CAMTA1: variants seen among roughly 807,000 people sequenced by gnomAD.
The protein encoded by CAMTA1 is calmodulin binding transcription activator 1.
CAMTA1 carries 27 observed loss-of-function variants against 170.9 expected under a neutral mutation model. The observed-to-expected ratio is 0.16, with a 90% confidence interval of 0.12 to 0.22. The LOEUF is 0.22. Ranked by LOEUF, CAMTA1 falls within the 10% of genes least tolerant of loss-of-function variation. The pLI, the probability that CAMTA1 is intolerant of heterozygous loss-of-function variation, is 1.00. For synonymous variants in CAMTA1, 833 were observed against 891.5 expected (o/e 0.93, Z 1.17); for missense variants, 1,619 against 2,217.2 (o/e 0.73, Z 5.42).
At chr1:7,464,778 C>T (rs1276341446) in intron 5 of CAMTA1, among the ~76,000 whole-genome samples, 1 of 152,106 alleles carries the variant, frequency 6.6e-6, no homozygotes, top group Non-Finnish European at 1.5e-5. Flanking sequence ...CCGAGGGTTC[C>T]ATTGCTGCAT....
At chr1:7,692,768 G>A (rs3011928) in intron 11 of CAMTA1, among the ~76,000 whole-genome samples, 74,117 of 151,924 alleles carry the variant, frequency 0.49, 18,267 homozygotes, top group East Asian at 0.66. Flanking sequence ...AAGAAACAGC[G>A]TTGATAGGTG....
At chr1:7,351,436 C>T (rs892703010) in intron 5 of CAMTA1, among the ~76,000 whole-genome samples, 7 of 152,242 alleles carry the variant, frequency 4.6e-5, no homozygotes, top group Non-Finnish European at 1.0e-4. Flanking sequence ...GTACCTCCCA[C>T]GACTCAGTGG....
At chr1:7,737,922 C>G in intron 15 of CAMTA1, 37 bp from the exon 16 acceptor site, 2 of 1,550,586 alleles carry the variant, frequency 1.3e-6, no homozygotes, top group South Asian at 1.2e-5. Context: ...CTAGTTGTAT[C>G]TCCTGTCCTG....
rs143162285 is a variant in CAMTA1, at chr1:6,843,541, A to G, written c.234+18331A>G. Among the ~76,000 whole-genome samples, 31 of 152,338 alleles carry G rather than the reference A, an allele frequency of 2.0e-4. No homozygotes were observed. The East Asian group carries it at 5.6e-3, about 27-fold the overall frequency. On this transcript the variant is annotated intron_variant, in intron 3 of 22. Coordinates refer to ENST00000303635, the MANE Select transcript of CAMTA1 (RefSeq NM_015215.4). ...CTCTTATAATTTTTTCCTTGAGGAT[A>G]GTTTTATTAGTATGAGAGTAACTTA...
intron 11 of CAMTA1, among the ~76,000 whole-genome samples, chr1:7,684,995 C>T (rs1041868095): frequency 6.6e-6 from 1 of 152,078 alleles, no homozygotes. Context: ...CCGGGGACTC[C>T]GCGGTGTCGG....
At chr1:7,235,718 G>C (rs948298774) in intron 4 of CAMTA1, among the ~76,000 whole-genome samples, 3 of 152,204 alleles carry the variant, frequency 2.0e-5, no homozygotes, top group Non-Finnish European at 4.4e-5. Flanking sequence ...CATTGAACAC[G>C]GCAAAAGCAG....
chr1:7,543,627 C>G (rs567084963), intron 6 of CAMTA1, among the ~76,000 whole-genome samples: 1 of 152,324 alleles, frequency 6.6e-6, no homozygotes, highest in South Asian at 2.1e-4. Context: ...TGTTCTCAAA[C>G]AGTTGTTGGC....
Position 7,736,377 on chromosome 1 carries a change from T to C in CAMTA1, c.3100T>C (p.Phe1034Leu), listed in dbSNP as rs2096772659. ...ASGTGALGSCFESRVVVVCEK... is the reference protein window; with the variant it reads ...ASGTGALGSCLESRVVVVCEK... ...TGGGACTGGGGCCTTGGGGAGCTGC[T>C]TTGAGAGCCGTGTGGTCGTGGTATG... Residue 1034 changes from phenylalanine (F) to leucine (L), a missense_variant, in exon 13 of 23, where the codon TTT (phenylalanine) becomes CTT (leucine). Coordinates refer to ENST00000303635, the MANE Select transcript of CAMTA1 (RefSeq NM_015215.4). This position sits in a 1 kb window ranked among gnomAD's most constrained non-coding sequence, Gnocchi z 4.5. The C allele has an allele frequency of 6.2e-7, 1 of 1,614,040 alleles. No individual in the cohort carries two copies. The highest frequency in any genetic ancestry group is 1.7e-5 in the Admixed American group (1 of 60,004).
chr1:7,026,766 G>T (rs1702080132), intron 3 of CAMTA1, among the ~76,000 whole-genome samples: 1 of 151,728 alleles, frequency 6.6e-6, no homozygotes, highest in Admixed American at 6.6e-5. Context: ...AAGTAGCTGG[G>T]ACTACAAGCA....
chr1:7,172,055 T>C (rs1413180419), intron 4 of CAMTA1, among the ~76,000 whole-genome samples: 1 of 152,256 alleles, frequency 6.6e-6, no homozygotes, highest in Non-Finnish European at 1.5e-5. Context: ...CCATTTTTCC[T>C]TTTCTCTCAC....
At chr1:7,102,107 C>G (rs1558098486) in intron 4 of CAMTA1, among the ~76,000 whole-genome samples, 1 of 151,836 alleles carries the variant, frequency 6.6e-6, no homozygotes, top group African/African-American at 2.4e-5. Context: ...TGTAAGAAGT[C>G]TCTGGGAAAA....
intron 4 of CAMTA1, among the ~76,000 whole-genome samples, chr1:7,099,699 G>A (rs1642496336): frequency 6.6e-6 from 1 of 152,160 alleles, no homozygotes; most frequent in African/African-American, 2.4e-5. Context: ...CTGAGGTTCA[G>A]CATCTCTACA....
chr1:7,716,971 C>T (rs2096614786), intron 11 of CAMTA1, among the ~76,000 whole-genome samples: 1 of 152,196 alleles, frequency 6.6e-6, no homozygotes, highest in Admixed American at 6.5e-5. Context: ...CCATTGCCAA[C>T]ATCAGAGCTG....
At chr1:7,149,847 G>A (rs989875787) in intron 4 of CAMTA1, among the ~76,000 whole-genome samples, 7 of 152,208 alleles carry the variant, frequency 4.6e-5, no homozygotes, top group Non-Finnish European at 1.0e-4. Flanking sequence ...ACAAATGTGT[G>A]CCTGTGGGGA....
chr1:7,155,259 C>T (rs557710793), intron 4 of CAMTA1, among the ~76,000 whole-genome samples: 1 of 151,888 alleles, frequency 6.6e-6, no homozygotes, highest in South Asian at 2.1e-4. Flanking sequence ...TGAGCCTTTC[C>T]CAAAAGTGAG....
At chr1:7,486,054 T>G (rs529761015) in intron 6 of CAMTA1, among the ~76,000 whole-genome samples, 1 of 152,340 alleles carries the variant, frequency 6.6e-6, no homozygotes, top group African/African-American at 2.4e-5. Context: ...GCTCCAGAAG[T>G]GACGTTTGCA....
intron 3 of CAMTA1, among the ~76,000 whole-genome samples, chr1:6,950,142 AG>A (rs1210204079): frequency 2.0e-5 from 3 of 152,168 alleles, no homozygotes; most frequent in Non-Finnish European, 4.4e-5. Context: ...TCATCTGCCC[AG>A]GGGCAGGGGA....
intron 5 of CAMTA1, among the ~76,000 whole-genome samples, chr1:7,335,386 T>A (rs56306736): frequency 0.014 from 2,110 of 152,182 alleles, 27 homozygotes; most frequent in Middle Eastern, 0.027. Flanking sequence ...AACATATAGG[T>A]CAAATGACCG....
chr1:6,800,496 G>A (rs1643622477), intron 1 of CAMTA1, among the ~76,000 whole-genome samples: 1 of 152,074 alleles, frequency 6.6e-6, no homozygotes, highest in African/African-American at 2.4e-5. Context: ...ACAGATCTGA[G>A]GTCTTTGTTC....
Sources: gnomAD v4.1 joint callset for allele counts (sites outside exome capture counted in the v4.1 genomes callset) on GRCh38, gnomAD v4.1.1 for gene constraint, Gnocchi (gnomAD v3.1) non-coding constraint, MANE v1.5 for transcripts, NCBI Gene and HGNC (gene_info 2026-07-23, HGNC 2026-07-21) for gene names.